PLXNB1: variants seen among roughly 807,000 people sequenced by gnomAD.
PLXNB1 encodes the protein plexin-B1.
A neutral mutation model predicts 209.4 loss-of-function variants in PLXNB1; 106 were observed. The ratio of observed to expected loss-of-function variants is 0.51; its 90% confidence interval spans 0.43 to 0.59. The LOEUF is 0.59. Among genes scored for constraint, PLXNB1 ranks in the 20% least tolerant of loss-of-function variants. The pLI is 0.00. For synonymous variants in PLXNB1, 1,167 were observed against 1,183.2 expected (o/e 0.99, Z 0.28); for missense variants, 2,357 against 2,853.2 (o/e 0.83, Z 3.96).
chr3:48,423,895 A>G lies in PLXNB1; in HGVS notation c.717T>C (p.Ala239=), dbSNP rs2038718373. 13 of 1,613,978 alleles carry G rather than the reference A, an allele frequency of 8.1e-6. No homozygotes were observed. The highest frequency in any genetic ancestry group is 1.1e-5 in the Non-Finnish European group (13 of 1,179,992). ...YFLFLRRDLQ[A]QSRAFRAYVS... ...CATAGGCACGAAAAGCTCTAGACTGAGCCTGCAGGTCCCGCCGCAGGAACA... is the reference window on the plus strand; with the variant it reads ...CATAGGCACGAAAAGCTCTAGACTGGGCCTGCAGGTCCCGCCGCAGGAACA... The change falls in exon 3 of 38, where the codon GCT becomes GCC. Residue 239 remains alanine, a synonymous_variant. Transcript: ENST00000296440.
rs1443193377 is a variant in PLXNB1 at position 48,405,812 on chromosome 3, C to G, written c.6229-14G>C. ...TCCGGAGTAGTTCTAGGGAAGAGGC[C>G]AAATGAAAGGTGAGAGAGACGAGGG... On this transcript the variant is annotated splice_polypyrimidine_tract_variant and intron_variant, in intron 36 of 37. Transcript: ENST00000296440. The surrounding 1 kb of genome is among the most constrained non-coding windows in gnomAD (Gnocchi z 5.0). 1 of 1,609,794 alleles carries G rather than the reference C, an allele frequency of 6.2e-7. No individual in the cohort carries two copies. The highest frequency in any genetic ancestry group is 1.3e-5 in the African/African-American group (1 of 74,812).
Position 48,423,507 on chromosome 3 carries a change from C to A in PLXNB1, c.1105G>T (p.Val369Leu). 6.2e-7 allele frequency: 1 copy of A among 1,610,376 alleles called. No homozygotes were observed. Among genetic ancestry groups the A allele is most frequent in the Non-Finnish European group, 8.5e-7 (1 of 1,176,868 alleles). Residue 369 changes from valine (V) to leucine (L), a missense_variant and splice_region_variant, in exon 3 of 38, where the codon GTG (valine) becomes TTG (leucine). Coordinates refer to ENST00000296440, the MANE Select transcript of PLXNB1 (RefSeq NM_001130082.3). ...AGTGGGGCAATACTGGAACTCACCA[C>A]TGGCAGCTGTGCACAGTCAGAATTG... Reference protein sequence around the residue: ...DVNSDCAQLPVDTLDAYPCGS... With the variant: ...DVNSDCAQLPLDTLDAYPCGS...
At chr3:48,430,250 C>G (rs749336027), upstream of PLXNB1, among the ~76,000 whole-genome samples, 1 of 152,226 alleles carries the variant, frequency 6.6e-6, no homozygotes, top group South Asian at 2.1e-4. Context: ...CCACCTCTAG[C>G]GGGGCTGTGA....
In PLXNB1 at chr3:48,413,588, G is replaced by C; in HGVS notation, c.4535+82C>G. ...TGGCCATTTACAGAGAATGTTTCCT[G>C]ACTCCTGGCCCGGTCTGTCCCTTCC... On this transcript the variant is annotated intron_variant, in intron 23 of 37. Coordinates refer to ENST00000296440, the MANE Select transcript of PLXNB1 (RefSeq NM_001130082.3). This position sits in a 1 kb window ranked among gnomAD's most constrained non-coding sequence, Gnocchi z 5.4. 7.2e-7 allele frequency: 1 copy of C among 1,389,724 alleles called. No homozygotes were observed. The highest frequency in any genetic ancestry group is 9.7e-7 in the Non-Finnish European group (1 of 1,029,366). 86.1% of individuals were successfully genotyped at this position (1,389,724 alleles called of 1,614,324 possible).
In PLXNB1 at chr3:48,420,263, G is replaced by C. The variant is rs758137417; in HGVS notation, c.2029-6C>G. Reference sequence around the variant, plus strand: ...TCTGGGGAGACAAGCGGGCTCTGAAGGGGGAGGCAGAGGAAGACAGGAAGG... The same window carrying C: ...TCTGGGGAGACAAGCGGGCTCTGAACGGGGAGGCAGAGGAAGACAGGAAGG... On this transcript the variant is annotated splice_region_variant and splice_polypyrimidine_tract_variant and intron_variant, in intron 10 of 37. Coordinates refer to ENST00000296440, the MANE Select transcript of PLXNB1 (RefSeq NM_001130082.3). The C allele has an allele frequency of 7.8e-6, 12 of 1,530,468 alleles. 1 individual carries two copies. In the Admixed American group the frequency reaches 2.0e-4, roughly 25 times the overall value. The allele number at this position is 1,530,468 out of a possible 1,614,324, so 94.8% of individuals were successfully genotyped here. A position where few individuals can be genotyped will look rare whatever the true frequency, so the allele number is the denominator to read the frequency against.
intron 4 of PLXNB1, 125 bp downstream of exon 4, chr3:48,422,640 G>A: frequency 8.0e-7 from 1 of 1,255,342 alleles, no homozygotes; most frequent in South Asian, 1.5e-5. Flanking sequence ...CCAGTCCTGG[G>A]GAGAGGAGCT....
Position 48,410,155 on chromosome 3 carries a change from AG to A in PLXNB1, c.5606-79del. ...CCCCCTGTTTCTTGCCAGCTCTCCCAGGGGTGGGGGCACCTGGTTGAGGGAT... is the reference window on the plus strand; with the variant it reads ...CCCCCTGTTTCTTGCCAGCTCTCCCAGGGTGGGGGCACCTGGTTGAGGGAT... On this transcript the variant is annotated intron_variant, in intron 31 of 37. Coordinates refer to ENST00000296440, the MANE Select transcript of PLXNB1 (RefSeq NM_001130082.3). The surrounding 1 kb of genome is among the most constrained non-coding windows in gnomAD (Gnocchi z 6.4). The A allele has an allele frequency of 1.3e-6, 2 of 1,496,094 alleles. No homozygotes were observed. The highest frequency in any genetic ancestry group is 1.8e-6 in the Non-Finnish European group (2 of 1,109,998). The allele number at this position is 1,496,094 out of a possible 1,614,324, so 92.7% of individuals were successfully genotyped here. A position where few individuals can be genotyped will look rare whatever the true frequency, so the allele number is the denominator to read the frequency against.
intron 8 of PLXNB1, 50 bp downstream of exon 8, chr3:48,421,178 C>T (rs771693686): frequency 6.3e-7 from 1 of 1,586,820 alleles, no homozygotes; most frequent in Non-Finnish European, 8.6e-7. Context: ...CCACCGCATC[C>T]CCTGAAGCAG....
Position 48,409,183 on chromosome 3 carries a change from T to A in PLXNB1, c.6087+146A>T. 1.2e-6 allele frequency: 1 copy of A among 866,904 alleles called. No homozygotes were observed. Among genetic ancestry groups the A allele is most frequent in the Non-Finnish European group, 1.8e-6 (1 of 568,000 alleles). The allele number at this position is 866,904 out of a possible 1,614,324, so 53.7% of individuals were successfully genotyped here. On this transcript the variant is annotated intron_variant, in intron 34 of 37. Coordinates refer to ENST00000296440, the MANE Select transcript of PLXNB1 (RefSeq NM_001130082.3). This position sits in a 1 kb window ranked among gnomAD's most constrained non-coding sequence, Gnocchi z 5.8. The stretch of plus-strand genomic sequence containing the variant: ...TCTTGCTCATCCCTTAAAACTGAGG[T>A]GGCCCCGGGATGAAGCCTTGGCTTG...
At position 48,404,246 on chromosome 3, in the gene PLXNB1, G is replaced by A; in HGVS notation, c.*240C>T. 3.3e-5 allele frequency: 17 copies of A among 521,936 alleles called. No individual in the cohort carries two copies. In the South Asian group the frequency reaches 4.4e-4, roughly 14 times the overall value. 32.3% of individuals were successfully genotyped at this position (521,936 alleles called of 1,614,324 possible). A position where few individuals can be genotyped will look rare whatever the true frequency, so the allele number is the denominator to read the frequency against. On this transcript the variant is annotated 3_prime_UTR_variant, in exon 38 of 38. Transcript: ENST00000296440. ...TTAGTCCCCAACTCCCTGCAGACCGGTGTCACAGGGTCGCTGGACTCGGGG... is the reference window on the plus strand; with the variant it reads ...TTAGTCCCCAACTCCCTGCAGACCGATGTCACAGGGTCGCTGGACTCGGGG...
At position 48,406,774 on chromosome 3, in the gene PLXNB1, T is replaced by C. The variant is rs185042526; in HGVS notation, c.6228+49A>G. On this transcript the variant is annotated intron_variant, in intron 36 of 37. Transcript: ENST00000296440. The surrounding 1 kb of genome is among the most constrained non-coding windows in gnomAD (Gnocchi z 4.4). ...GGGCAGTGTGAAGGGGGAAGGACCG[T>C]TGTGGCAGGAGGCCTATGCCCAACC... The C allele has an allele frequency of 4.6e-3, 7,199 of 1,548,818 alleles. 96 individuals are homozygous for C. The highest frequency in any genetic ancestry group is 3.3e-3 in the Non-Finnish European group (3,751 of 1,145,292).
rs1189136257 is a variant in PLXNB1, at chr3:48,415,558, T to G, written c.3794+25A>C. ...GCAAAGACCTCCCTGCCACCTGCCA[T>G]GCAGCCACACCCCTGGCCCAACACC... On this transcript the variant is annotated intron_variant, in intron 19 of 37. Transcript: ENST00000296440. This position sits in a 1 kb window ranked among gnomAD's most constrained non-coding sequence, Gnocchi z 5.0. 6.5e-7 allele frequency: 1 copy of G among 1,545,194 alleles called. No individual in the cohort carries two copies. Among genetic ancestry groups the G allele is most frequent in the Non-Finnish European group, 8.8e-7 (1 of 1,139,358 alleles).
chr3:48,420,910 G>C lies in PLXNB1; in HGVS notation c.1857C>G (p.Ile619Met). 1 of 1,614,056 alleles carries C rather than the reference G, an allele frequency of 6.2e-7. No homozygotes were observed. Among genetic ancestry groups the C allele is most frequent in the East Asian group, 2.2e-5 (1 of 44,880 alleles). ...SVELRFGAVV[I>M]AKTSLSFYDC... ...CATAGAAAGAGAGGGAAGTTTTGGC[G>C]ATCACAACAGCGCCAAATCTGAGCT... Residue 619 changes from isoleucine to methionine, a missense_variant, in exon 9 of 38, where the codon ATC (isoleucine) becomes ATG (methionine). Around this residue, in one of 7 missense-constraint regions of PLXNB1, gnomAD observed 214 missense variants for 297.1 expected, o/e 0.72. Transcript: ENST00000296440.
chr3:48,415,737 G>C lies in PLXNB1; in HGVS notation c.3640C>G (p.Gln1214Glu). ...CHLLPEQQSE[Q>E]LRCETSPRPT... ...CGTGGGCTGGTCTCACACCGCAGTT[G>C]TTCTGACTGCTGCTCCGGCAGCCTG... Residue 1214 changes from glutamine to glutamate, a missense_variant, in exon 19 of 38, where the codon CAA becomes GAA. Gln to Glu is a conservative substitution (Grantham distance 29). Coordinates refer to ENST00000296440, the MANE Select transcript of PLXNB1 (RefSeq NM_001130082.3). The surrounding 1 kb of genome is among the most constrained non-coding windows in gnomAD (Gnocchi z 5.0). 6.5e-7 allele frequency: 1 copy of C among 1,546,876 alleles called. No individual in the cohort carries two copies. The highest frequency in any genetic ancestry group is 8.7e-7 in the Non-Finnish European group (1 of 1,143,220).
rs1294068351 is a variant in PLXNB1, at chr3:48,429,654, G to A, written c.-60+354C>T. Among the ~76,000 whole-genome samples the A allele has an allele frequency of 1.3e-5, 2 of 151,958 alleles. No individual in the cohort carries two copies. Among genetic ancestry groups the A allele is most frequent in the African/African-American group, 2.4e-5 (1 of 41,412 alleles). ...CCCTCCCGCACGGGGGAGGGCGGGG[G>A]CGGGCTGCACCGCGGCGGTCGCCAT... On this transcript the variant is annotated intron_variant, in intron 1 of 37. Coordinates refer to ENST00000296440, the MANE Select transcript of PLXNB1 (RefSeq NM_001130082.3). This position sits in a 1 kb window ranked among gnomAD's most constrained non-coding sequence, Gnocchi z 6.4.
chr3:48,424,739 G>A, intron 2 of PLXNB1, 122 bp from the exon 3 acceptor site: 1 of 1,024,034 alleles, frequency 9.8e-7, no homozygotes, highest in Non-Finnish European at 1.4e-6. Context: ...GGGGTGAGCA[G>A]AGGAGGACCA....
Position 48,406,011 on chromosome 3 carries a change from G to A in PLXNB1, c.6229-213C>T. ...GGACAGAACAGGGTAGAGCAAGGGGGCCTCCTTGGTAGGAAGACAGCCCAG... is the reference window on the plus strand; with the variant it reads ...GGACAGAACAGGGTAGAGCAAGGGGACCTCCTTGGTAGGAAGACAGCCCAG... On this transcript the variant is annotated intron_variant, in intron 36 of 37. Transcript: ENST00000296440. The surrounding 1 kb of genome is among the most constrained non-coding windows in gnomAD (Gnocchi z 4.4). The A allele has an allele frequency of 6.0e-6, 3 of 501,244 alleles. No individual in the cohort carries two copies. The South Asian group carries it at 6.3e-5, about 11-fold the overall frequency. 31.0% of individuals were successfully genotyped at this position (501,244 alleles called of 1,614,324 possible). A position where few individuals can be genotyped will look rare whatever the true frequency, so the allele number is the denominator to read the frequency against.
Position 48,410,101 on chromosome 3 carries a change from C to T in PLXNB1, c.5606-24G>A, listed in dbSNP as rs2037571770. ...CCCTGTGCCAAGAGCCCACAGCTGT[C>T]ACCCCTCCCCAGGTGCCACCTCCCC... On this transcript the variant is annotated intron_variant, in intron 31 of 37. Coordinates refer to ENST00000296440, the MANE Select transcript of PLXNB1 (RefSeq NM_001130082.3). The surrounding 1 kb of genome is among the most constrained non-coding windows in gnomAD (Gnocchi z 6.4). 6.4e-7 allele frequency: 1 copy of T among 1,551,870 alleles called. No individual in the cohort carries two copies. Among genetic ancestry groups the T allele is most frequent in the Non-Finnish European group, 8.7e-7 (1 of 1,144,966 alleles).
Position 48,406,591 on chromosome 3 carries a change from G to C in PLXNB1, c.6228+232C>G. 1.5e-6 allele frequency: 2 copies of C among 1,363,786 alleles called. No homozygotes were observed. Among genetic ancestry groups the C allele is most frequent in the African/African-American group, 1.5e-5 (1 of 68,298 alleles). The allele number at this position is 1,363,786 out of a possible 1,614,324, so 84.5% of individuals were successfully genotyped here. A position where few individuals can be genotyped will look rare whatever the true frequency, so the allele number is the denominator to read the frequency against. ...ACCTTGCAAGAGCCTGGCTGAATCA[G>C]GGTACATGGCAGCTGCCAGGACAAG... On this transcript the variant is annotated intron_variant, in intron 36 of 37. Transcript: ENST00000296440. The surrounding 1 kb of genome is among the most constrained non-coding windows in gnomAD (Gnocchi z 4.4).
Sources: allele counts gnomAD v4.1 joint callset (sites outside exome capture counted in the v4.1 genomes callset), GRCh38; gene constraint gnomAD v4.1.1; regional missense constraint gnomAD v4.1.1; non-coding constraint Gnocchi (gnomAD v3.1); transcripts MANE v1.5; gene names NCBI Gene and HGNC (gene_info 2026-07-23, HGNC 2026-07-21).